Variants in CAST observed in about 807,000 individuals in gnomAD.
CAST encodes the protein calpastatin, also known as MIR583 host.
CAST carries 76 observed loss-of-function variants against 119.6 expected under a neutral mutation model. The ratio of observed to expected loss-of-function variants is 0.64; its 90% CI spans 0.53 to 0.77. The LOEUF is 0.77. Ranked by LOEUF, CAST falls within the 30% of genes least tolerant of loss-of-function variation. The pLI, the probability that CAST is intolerant of heterozygous loss-of-function variation, is 0.00. For synonymous variants in CAST, 319 were observed against 331.6 expected, an observed-to-expected ratio of 0.96 and a Z score of 0.41; for missense variants, 953 against 946.5, an observed-to-expected ratio of 1.01 and a Z score of -0.09.
chr5:96,309,297 T>A, the CAST span, among the ~76,000 whole-genome samples: 1 of 152,218 alleles, frequency 6.6e-6, no homozygotes, highest in Non-Finnish European at 1.5e-5. Flanking sequence ...GTGGATACCC[T>A]TCTCCCCACC....
the CAST span, among the ~76,000 whole-genome samples, chr5:96,009,486 G>T: frequency 6.6e-6 from 1 of 152,062 alleles, no homozygotes; most frequent in Non-Finnish European, 1.5e-5. Flanking sequence ...TTTAATAATA[G>T]TCATTCTACT....
the CAST span, among the ~76,000 whole-genome samples, chr5:96,316,634 G>A: frequency 2.3e-4 from 35 of 152,196 alleles, no homozygotes; most frequent in African/African-American, 8.2e-4. Context: ...ACTTTCTAAA[G>A]GTAGAGGGGA....
the CAST span, among the ~76,000 whole-genome samples, chr5:96,152,632 A>G: frequency 6.6e-6 from 1 of 152,226 alleles, no homozygotes; most frequent in Non-Finnish European, 1.5e-5. Context: ...TCTGGTGAAT[A>G]CTAGGAAAAT....
chr5:96,133,059 G>A, the CAST span, among the ~76,000 whole-genome samples: 1 of 152,158 alleles, frequency 6.6e-6, no homozygotes, highest in Non-Finnish European at 1.5e-5. Flanking sequence ...TTGTAACCAA[G>A]TCTGTCACAT....
chr5:96,578,541 GAA>G (rs538649854), intron 1 of CAST, among the ~76,000 whole-genome samples: 1 of 150,212 alleles, frequency 6.7e-6, no homozygotes. Context: ...GGTTACTTCA[GAA>G]AAAAAAATTA....
chr5:96,648,933 A>G (rs1424079858), intron 1 of CAST, among the ~76,000 whole-genome samples: 2 of 152,108 alleles, frequency 1.3e-5, no homozygotes, highest in Non-Finnish European at 2.9e-5. Context: ...AGGGCCTGGA[A>G]TACTGTCTGG....
At chr5:96,767,559 T>A in intron 28 of CAST, 77 bp downstream of exon 28, 1 of 1,048,944 alleles carries the variant, frequency 9.5e-7, no homozygotes, top group Non-Finnish European at 1.5e-6. Context: ...TTTAGAAAAC[T>A]AAAACATATT....
At chr5:96,492,249 C>G in the CAST span, among the ~76,000 whole-genome samples, 1 of 152,162 alleles carries the variant, frequency 6.6e-6, no homozygotes, top group South Asian at 2.1e-4. Context: ...TAAAGTTTGA[C>G]CAGTTGAAGT....
the CAST span, among the ~76,000 whole-genome samples, chr5:96,265,523 A>T: frequency 6.6e-6 from 1 of 152,102 alleles, no homozygotes; most frequent in Non-Finnish European, 1.5e-5. Context: ...GATGACAGAC[A>T]TCCCAACTTA....
rs563216457 is a variant in CAST at position 96,619,350 on chromosome 5, C to A, written c.61-56189C>A. The stretch of plus-strand genomic sequence containing the variant: ...GCTCAGGGATTGTAAACACACCAAT[C>A]AGCACCCTGTCAAAATGGACCAATC... On this transcript the variant is annotated intron_variant, in intron 1 of 11. Coordinates refer to the CAST transcript ENST00000505143. Among the ~76,000 whole-genome samples the A allele has an allele frequency of 9.8e-5, 15 of 152,360 alleles. No individual in the cohort carries two copies. In the East Asian group the frequency reaches 1.7e-3, roughly 18 times the overall value.
chr5:96,766,065 G>A lies in CAST; in HGVS notation c.2050G>A (p.Ala684Thr). 6.2e-7 allele frequency: 1 copy of A among 1,600,976 alleles called. No homozygotes were observed. Among genetic ancestry groups the A allele is most frequent in the East Asian group, 2.2e-5 (1 of 44,654 alleles). The change falls in exon 27 of 32, where the codon GCT (alanine) becomes ACT (threonine). Residue 684 changes from alanine (A) to threonine (T), a missense_variant. Coordinates refer to ENST00000675179, the MANE Select transcript of CAST (RefSeq NM_001750.7). ...MEDKVKEKAKAEHRDKLGERD... is the reference protein window; with the variant it reads ...MEDKVKEKAKTEHRDKLGERD... ...ACTGTTGATATAGGAAAAAGCTAAAGCTGAACATAGAGACAAGCTTGGAGA... is the reference window on the plus strand; with the variant it reads ...ACTGTTGATATAGGAAAAAGCTAAAACTGAACATAGAGACAAGCTTGGAGA...
intron 2 of CAST, among the ~76,000 whole-genome samples, chr5:96,694,227 C>A (rs1425661814): frequency 6.6e-6 from 1 of 152,186 alleles, no homozygotes; most frequent in Non-Finnish European, 1.5e-5. Context: ...ACATAGAACA[C>A]TTTAATGTGT....
chr5:96,772,383 T>C (rs1423320651), intron 31 of CAST: 1 of 152,712 alleles, frequency 6.5e-6, no homozygotes, highest in African/African-American at 2.4e-5. Flanking sequence ...AATCAAAGTA[T>C]AGGTTAAATC....
chr5:96,605,835 G>C (rs1019226490), intron 1 of CAST, among the ~76,000 whole-genome samples: 4 of 152,216 alleles, frequency 2.6e-5, no homozygotes, highest in Non-Finnish European at 5.9e-5. Context: ...GGACTATAGA[G>C]AGAGAGTTTG....
At chr5:96,559,064 G>A (rs969377529) in intron 1 of CAST, among the ~76,000 whole-genome samples, 10 of 152,114 alleles carry the variant, frequency 6.6e-5, no homozygotes, top group South Asian at 4.2e-4. Context: ...TATGCAAATC[G>A]ATAAACGTAA....
chr5:96,522,289 A>G (rs1580809336), upstream of CAST, among the ~76,000 whole-genome samples: 1 of 152,212 alleles, frequency 6.6e-6, no homozygotes, highest in South Asian at 2.1e-4. Context: ...CCCACTCTCC[A>G]TTTTTGTTAC....
chr5:96,566,389 G>C (rs149449), intron 1 of CAST, among the ~76,000 whole-genome samples: 1 of 151,982 alleles, frequency 6.6e-6, no homozygotes, highest in Non-Finnish European at 1.5e-5. Flanking sequence ...AGGAAGGGAA[G>C]ACATTAGTGA....
chr5:96,439,671 G>A, the CAST span, among the ~76,000 whole-genome samples: 6 of 152,084 alleles, frequency 3.9e-5, no homozygotes, highest in Non-Finnish European at 7.4e-5. Context: ...TCACACCCCC[G>A]AACCAACTGT....
intron 1 of CAST, among the ~76,000 whole-genome samples, chr5:96,555,182 GA>G: frequency 6.6e-6 from 1 of 152,330 alleles, no homozygotes; most frequent in South Asian, 2.1e-4. Flanking sequence ...ACTGGATTAA[GA>G]AAATGTAGCA....
Sources: gnomAD v4.1 joint callset for allele counts (sites outside exome capture counted in the v4.1 genomes callset) on GRCh38, gnomAD v4.1.1 for gene constraint, MANE v1.5 for transcripts, NCBI Gene and HGNC (gene_info 2026-07-23, HGNC 2026-07-21) for gene names.